Variants in RSRC1 observed in about 807,000 individuals in gnomAD.
The protein encoded by RSRC1 is arginine and serine rich coiled-coil 1, also known as serine/Arginine-related protein 53.
In RSRC1, 39 loss-of-function variants were observed where a neutral mutation model predicts 49.1. That is an observed-to-expected ratio of 0.79 (90% CI 0.61 to 1.04). The LOEUF (loss-of-function observed/expected upper bound fraction) is 1.04, where lower values mean the gene tolerates loss of function less well. RSRC1 is among the 50% of genes least tolerant of loss of function. RSRC1 has a pLI of 0.00. For synonymous variants in RSRC1, 143 were observed against 130.8 expected, an observed-to-expected ratio of 1.09 and a Z score of -0.63; for missense variants, 388 against 402.4, an observed-to-expected ratio of 0.96 and a Z score of 0.31.
chr3:158,410,636 A>G (rs1734411998), intron 6 of RSRC1, among the ~76,000 whole-genome samples: 1 of 152,156 alleles, frequency 6.6e-6, no homozygotes, highest in Admixed American at 6.6e-5. Flanking sequence ...AAAAGTATCT[A>G]GCTATCTAGC....
intron 4 of RSRC1, among the ~76,000 whole-genome samples, chr3:158,213,756 G>A (rs1286662069): frequency 1.3e-5 from 2 of 151,820 alleles, no homozygotes; most frequent in Non-Finnish European, 2.9e-5. Context: ...ATAAAGGAGG[G>A]CATTCTACAT....
At chr3:158,135,846 TGTGGTG>T (rs557575082) in intron 3 of RSRC1, among the ~76,000 whole-genome samples, 1 of 152,224 alleles carries the variant, frequency 6.6e-6, no homozygotes, top group Non-Finnish European at 1.5e-5. Context: ...CCCTTGAACA[TGTGGTG>T]GTTGCCTCTG....
chr3:158,159,449 C>T (rs77668427), intron 3 of RSRC1, among the ~76,000 whole-genome samples: 60 of 152,232 alleles, frequency 3.9e-4, no homozygotes, highest in African/African-American at 1.4e-3. Context: ...TATGCTTTCA[C>T]ATGCATTTTT....
chr3:158,116,115 TC>T (rs2108153150), intron 1 of RSRC1, among the ~76,000 whole-genome samples: 1 of 152,326 alleles, frequency 6.6e-6, no homozygotes, highest in Admixed American at 6.5e-5. Flanking sequence ...ACCGATGATC[TC>T]GGAAGTTTTT....
chr3:158,443,949 T>A (rs1736529491), intron 6 of RSRC1, among the ~76,000 whole-genome samples: 1 of 152,024 alleles, frequency 6.6e-6, no homozygotes, highest in Admixed American at 6.6e-5. Flanking sequence ...GAACAGCCAG[T>A]TGGTGGCACA....
intron 6 of RSRC1, among the ~76,000 whole-genome samples, chr3:158,379,069 A>G: frequency 6.6e-6 from 1 of 151,818 alleles, no homozygotes; most frequent in Admixed American, 6.6e-5. Context: ...AGTCACCACC[A>G]TCTCTCACCT....
At chr3:158,213,713 TGTTGCA>T (rs1721810558) in intron 4 of RSRC1, among the ~76,000 whole-genome samples, 1 of 151,976 alleles carries the variant, frequency 6.6e-6, no homozygotes, top group South Asian at 2.1e-4. Context: ...TTGGTTGTCA[TGTTGCA>T]GCCTTAGCTT....
In RSRC1 at chr3:158,201,880, A is replaced by G. The variant is rs114940446; in HGVS notation, c.321-1192A>G. ...ATTTTTTGTGTTTCTTCATATATCT[A>G]GGAATTTTGAGTTTTTATCCTGGAC... is the stretch of plus-strand genomic sequence containing the variant. On this transcript the variant is annotated intron_variant, in intron 3 of 9. Transcript: ENST00000611884. Among the ~76,000 whole-genome samples the G allele has an allele frequency of 8.8e-3, 1,341 of 152,262 alleles. 19 individuals carry two copies. Among genetic ancestry groups the G allele is most frequent in the African/African-American group, 0.031 (1,284 of 41,536 alleles).
At chr3:158,283,725 G>C (rs993357587) in intron 4 of RSRC1, among the ~76,000 whole-genome samples, 2 of 152,124 alleles carry the variant, frequency 1.3e-5, no homozygotes, top group Non-Finnish European at 2.9e-5. Context: ...GAAGTAGACT[G>C]TGAGGCAAGG....
At chr3:158,200,661 T>C (rs940030772) in intron 3 of RSRC1, among the ~76,000 whole-genome samples, 2 of 152,150 alleles carry the variant, frequency 1.3e-5, no homozygotes, top group Admixed American at 1.3e-4. Flanking sequence ...TTTCTTCTTT[T>C]TTTAGTAGTT....
At chr3:158,347,908 G>A (rs767766795) in intron 5 of RSRC1, among the ~76,000 whole-genome samples, 8 of 151,964 alleles carry the variant, frequency 5.3e-5, no homozygotes, top group East Asian at 1.9e-4. Flanking sequence ...TTGTGATTAC[G>A]TAGTAGGTGT....
chr3:158,140,525 CTT>C (rs1716682480), intron 3 of RSRC1, among the ~76,000 whole-genome samples: 1 of 152,298 alleles, frequency 6.6e-6, no homozygotes, highest in East Asian at 1.9e-4. Flanking sequence ...CCAGAGCTCT[CTT>C]ATTTTATGAG....
rs1001673522 is a variant in RSRC1 at position 158,132,833 on chromosome 3, A to G, written c.320+8842A>G. ...GAATTCATTTATTTGTAATCCTTCA[A>G]TTTGTCCATGAACAGGAATAAATCT... On this transcript the variant is annotated intron_variant, in intron 3 of 9. Coordinates refer to ENST00000611884, the MANE Select transcript of RSRC1 (RefSeq NM_001271838.2). Among the ~76,000 whole-genome samples, 7 of 152,182 alleles carry G rather than the reference A, an allele frequency of 4.6e-5. 1 individual carries two copies. Among genetic ancestry groups the G allele is most frequent in the Admixed American group, 1.3e-4 (2 of 15,276 alleles).
At chr3:158,493,293 T>C (rs1001803669) in intron 7 of RSRC1, among the ~76,000 whole-genome samples, 1 of 152,176 alleles carries the variant, frequency 6.6e-6, no homozygotes, top group East Asian at 1.9e-4. Context: ...CCAGTAGAAG[T>C]CTTTGAAGCA....
intron 3 of RSRC1, among the ~76,000 whole-genome samples, chr3:158,131,586 C>A (rs1481177707): frequency 6.6e-6 from 1 of 152,066 alleles, no homozygotes; most frequent in Non-Finnish European, 1.5e-5. Context: ...TTGGTACTCC[C>A]AAAATATTTC....
intron 3 of RSRC1, among the ~76,000 whole-genome samples, chr3:158,158,848 A>G (rs1431669217): frequency 2.6e-5 from 4 of 151,682 alleles, no homozygotes; most frequent in Non-Finnish European, 4.4e-5. Flanking sequence ...CTGAGGCAAG[A>G]GAATTACTTG....
intron 7 of RSRC1, among the ~76,000 whole-genome samples, chr3:158,495,455 T>G (rs1739280684): frequency 6.6e-6 from 1 of 152,108 alleles, no homozygotes; most frequent in Non-Finnish European, 1.5e-5. Context: ...TGGCTAATTT[T>G]TGTACTTTTT....
intron 6 of RSRC1, among the ~76,000 whole-genome samples, chr3:158,459,787 A>G (rs577613083): frequency 6.6e-5 from 10 of 151,986 alleles, no homozygotes; most frequent in African/African-American, 2.4e-4. Context: ...TTGTAAATGG[A>G]AACAGATGTC....
rs1351029273 is a variant in RSRC1 at position 158,319,242 on chromosome 3, A to C, written c.531+21167A>C. On this transcript the variant is annotated intron_variant, in intron 5 of 9. Transcript: ENST00000611884. ...GTTTCCCCCATGCTGTTCTGGTGAT[A>C]ATCGTGAGTGAGTTATCATGAAATC... 2.6e-5 allele frequency among the ~76,000 whole-genome samples: 4 copies of C among 152,062 alleles called. No homozygotes were observed. The East Asian group carries it at 7.7e-4, about 29-fold the overall frequency.
Sources: gnomAD v4.1 joint callset for allele counts (sites outside exome capture counted in the v4.1 genomes callset) on GRCh38, gnomAD v4.1.1 for gene constraint, MANE v1.5 for transcripts, NCBI Gene and HGNC (gene_info 2026-07-23, HGNC 2026-07-21) for gene names.